ANKRD11: variants seen among roughly 807,000 people sequenced by gnomAD.
The protein encoded by ANKRD11 is ankyrin repeat domain 11, also known as ankyrin repeat domain-containing protein 11.
Under a neutral mutation model 195.7 loss-of-function variants are expected in ANKRD11, and 17 were observed. That is an observed-to-expected ratio of 0.09 (90% CI 0.06 to 0.13). ANKRD11 has a LOEUF of 0.13. Among genes scored for constraint, ANKRD11 ranks in the 10% least tolerant of loss-of-function variants. The pLI is 1.00. For missense variants in ANKRD11, 3,735 were observed against 3,566.1 expected, an observed-to-expected ratio of 1.05 and a Z score of -1.21; for synonymous variants, 1,953 against 1,528.1, an observed-to-expected ratio of 1.28 and a Z score of -6.49.
At chr16:89,483,646 C>A (rs1015909146) in intron 1 of ANKRD11, among the ~76,000 whole-genome samples, 1 of 151,964 alleles carries the variant, frequency 6.6e-6, no homozygotes, top group Non-Finnish European at 1.5e-5. Context: ...CTGACCAACA[C>A]GGAGAAACCC....
chr16:89,300,381 G>T (rs939463289), intron 4 of ANKRD11: 2 of 197,324 alleles, frequency 1.0e-5, no homozygotes, highest in South Asian at 1.5e-4. Context: ...ACTGGTCCAC[G>T]GCACACTGCA....
chr16:89,417,614 G>A (rs1248292556), intron 2 of ANKRD11, among the ~76,000 whole-genome samples: 1 of 152,092 alleles, frequency 6.6e-6, no homozygotes, highest in East Asian at 1.9e-4. Context: ...CATACACACT[G>A]GTCTCCAGCT....
chr16:89,325,771 G>C (rs1484167760), intron 2 of ANKRD11, among the ~76,000 whole-genome samples: 1 of 152,178 alleles, frequency 6.6e-6, no homozygotes, highest in African/African-American at 2.4e-5. Flanking sequence ...AGAGATAAAG[G>C]CCACACTATG....
rs369685673 is a variant in ANKRD11 at position 89,317,056 on chromosome 16, G to A, written c.-37C>T. 1.8e-5 allele frequency: 28 copies of A among 1,595,796 alleles called. No individual in the cohort carries two copies. In the Admixed American group the frequency reaches 2.9e-4, roughly 17 times the overall value. On this transcript the variant is annotated 5_prime_UTR_variant, in exon 3 of 13. Coordinates refer to ENST00000301030, the MANE Select transcript of ANKRD11 (RefSeq NM_013275.6). ...TCACCCGATCTTCATTTACACGGCCGGCGCTTCATCATCAACCGTCTGCTT... is the reference window on the plus strand; with the variant it reads ...TCACCCGATCTTCATTTACACGGCCAGCGCTTCATCATCAACCGTCTGCTT...
intron 2 of ANKRD11, among the ~76,000 whole-genome samples, chr16:89,335,115 C>A (rs917539086): frequency 3.3e-5 from 5 of 152,190 alleles, no homozygotes; most frequent in Non-Finnish European, 7.3e-5. Flanking sequence ...CCCCAAATAA[C>A]TAATCAGGAC....
At chr16:89,275,237 C>A in intron 9 of ANKRD11, 46 bp from the exon 10 acceptor site, 1 of 1,517,988 alleles carries the variant, frequency 6.6e-7, no homozygotes, top group Admixed American at 1.9e-5. Flanking sequence ...GGCTGTGGAA[C>A]TGCACGAAGG....
chr16:89,364,727 G>A (rs2039875345), intron 2 of ANKRD11, among the ~76,000 whole-genome samples: 1 of 152,196 alleles, frequency 6.6e-6, no homozygotes, highest in Admixed American at 6.5e-5. Context: ...ATGGGCCGCG[G>A]GCTGGACAAG....
intron 3 of ANKRD11, among the ~76,000 whole-genome samples, chr16:89,314,964 CTT>C (rs1340978984): frequency 6.6e-6 from 1 of 152,220 alleles, no homozygotes; most frequent in East Asian, 1.9e-4. Flanking sequence ...ACCCAAATCT[CTT>C]TGTTCCTAGA....
chr16:89,443,695 G>T (rs1238005311), intron 1 of ANKRD11, among the ~76,000 whole-genome samples: 8 of 152,212 alleles, frequency 5.3e-5, no homozygotes, highest in Non-Finnish European at 1.2e-4. Flanking sequence ...CAAGAGAAAT[G>T]CAATTCTTAA....
chr16:89,307,476 C>A (rs950172821), intron 3 of ANKRD11, among the ~76,000 whole-genome samples: 1 of 152,308 alleles, frequency 6.6e-6, no homozygotes, highest in South Asian at 2.1e-4. Context: ...GCCAAGCAGA[C>A]CGGAGCCCAC....
intron 2 of ANKRD11, chr16:89,395,572 T>C (rs2041391052): frequency 2.0e-5 from 3 of 152,228 alleles, no homozygotes; most frequent in African/African-American, 7.2e-5. Context: ...CAATGGGCCA[T>C]CACATTGGAA....
chr16:89,368,663 T>C (rs4785664), intron 2 of ANKRD11, among the ~76,000 whole-genome samples: 7,455 of 149,832 alleles, frequency 0.05, 432 homozygotes, highest in East Asian at 0.24. Flanking sequence ...ATCCCAACAT[T>C]TTGGGAGGCT....
chr16:89,379,495 A>AT (rs71387690), intron 2 of ANKRD11, among the ~76,000 whole-genome samples: 1 of 152,138 alleles, frequency 6.6e-6, no homozygotes, highest in Non-Finnish European at 1.5e-5. Flanking sequence ...CAACTTGAAC[A>AT]TTTTTTTAAA....
chr16:89,436,875 A>G (rs370822060), intron 1 of ANKRD11, among the ~76,000 whole-genome samples: 6 of 152,242 alleles, frequency 3.9e-5, no homozygotes, highest in Non-Finnish European at 8.8e-5. Context: ...TTTGCTCTTC[A>G]ATAAACTTAT....
chr16:89,472,822 C>T (rs985639926), intron 1 of ANKRD11, among the ~76,000 whole-genome samples: 3 of 152,036 alleles, frequency 2.0e-5, no homozygotes, highest in Admixed American at 1.3e-4. Context: ...CAGAGAGCAC[C>T]GCAAGACCAA....
At chr16:89,391,304 A>G (rs1018084052) in intron 2 of ANKRD11, among the ~76,000 whole-genome samples, 5 of 151,598 alleles carry the variant, frequency 3.3e-5, no homozygotes, top group Admixed American at 2.0e-4. Context: ...GTCGCTGAGA[A>G]GCACAGCCAC....
At chr16:89,454,375 T>C (rs915445660) in intron 1 of ANKRD11, among the ~76,000 whole-genome samples, 6 of 152,164 alleles carry the variant, frequency 3.9e-5, no homozygotes, top group Non-Finnish European at 7.3e-5. Context: ...CTACTGCAGG[T>C]TGCAAATCTT....
At chr16:89,476,258 T>A (rs997303338) in intron 1 of ANKRD11, among the ~76,000 whole-genome samples, 1 of 152,070 alleles carries the variant, frequency 6.6e-6, no homozygotes, top group African/African-American at 2.4e-5. Context: ...ATCTTTGACA[T>A]CCCTAAAGCC....
intron 2 of ANKRD11, among the ~76,000 whole-genome samples, chr16:89,415,829 C>CAAAAAAAAAAAAACAAAA (rs2042278447): frequency 2.5e-5 from 1 of 39,744 alleles, no homozygotes; most frequent in East Asian, 9.0e-4. Context: ...GACTCTGTCT[C>CAAAAAAAAAAAAACAAAA]AAAAAAAAAA....
Sources: gnomAD v4.1 joint callset for allele counts (sites outside exome capture counted in the v4.1 genomes callset) on GRCh38, gnomAD v4.1.1 for gene constraint, MANE v1.5 for transcripts, NCBI Gene and HGNC (gene_info 2026-07-23, HGNC 2026-07-21) for gene names.